The following TUSC3 variants were observed in gnomAD, a reference collection of about 807,000 sequenced individuals.
TUSC3 encodes tumor suppressor candidate 3, also known as dolichyl-diphosphooligosaccharide--protein glycosyltransferase subunit TUSC3.
Under a neutral mutation model 44.8 loss-of-function variants are expected in TUSC3, and 45 were observed. The ratio of observed to expected loss-of-function variants is 1.00; its 90% CI spans 0.79 to 1.29. The LOEUF is 1.29. Ranked by LOEUF, TUSC3 falls within the 50% of genes most tolerant of loss-of-function variation. The pLI, the probability that TUSC3 is intolerant of heterozygous loss-of-function variation, is 0.00. For synonymous variants in TUSC3, 212 were observed against 152.9 expected (o/e 1.39, Z -2.85); for missense variants, 519 against 437.9 (o/e 1.19, Z -1.65).
Position 15,658,657 on chromosome 8 carries a change from C to CACACACAA in TUSC3, c.427-847_427-846insCACAAACA, listed in dbSNP as rs1186873286. Reference sequence around the variant, plus strand: ...ATATATATACACACACACACACACACACAAATACAATATATATACACATAC... The same window carrying CACACACAA: ...ATATATATACACACACACACACACACACACACAAACAAATACAATATATATACACATAC... On this transcript the variant is annotated intron_variant, in intron 3 of 10. Transcript: ENST00000503731. Among the ~76,000 whole-genome samples the CACACACAA allele has an allele frequency of 2.7e-5, 4 of 150,606 alleles. 1 individual carries two copies. In the East Asian group the frequency reaches 7.8e-4, roughly 29 times the overall value.
At chr8:15,467,655 A>C (rs1800431339) in intron 1 of TUSC3, among the ~76,000 whole-genome samples, 2 of 152,158 alleles carry the variant, frequency 1.3e-5, no homozygotes, top group South Asian at 4.1e-4. Flanking sequence ...TCCATGTGGC[A>C]AACTCCACCA....
chr8:15,598,936 C>G (rs868867237), intron 1 of TUSC3, among the ~76,000 whole-genome samples: 4 of 151,814 alleles, frequency 2.6e-5, no homozygotes, highest in Middle Eastern at 3.4e-3. Context: ...CCTAAGTGTT[C>G]AATTCCTTTT....
chr8:15,831,003 C>A, the TUSC3 span, among the ~76,000 whole-genome samples: 8 of 152,136 alleles, frequency 5.3e-5, no homozygotes, highest in African/African-American at 1.7e-4. Context: ...GGATGGATTC[C>A]GCTGCTATCG....
intron 1 of TUSC3, among the ~76,000 whole-genome samples, chr8:15,430,428 AC>A (rs1289661166): frequency 2.0e-5 from 3 of 150,482 alleles, no homozygotes; most frequent in African/African-American, 7.4e-5. Context: ...AAGTTCAACA[AC>A]CCTTCATGTT....
chr8:15,599,036 C>T (rs750749097), intron 1 of TUSC3, among the ~76,000 whole-genome samples: 67 of 151,884 alleles, frequency 4.4e-4, no homozygotes, highest in Non-Finnish European at 7.7e-4. Flanking sequence ...TGCAAAGTGC[C>T]TGTACCATTT....
intron 1 of TUSC3, among the ~76,000 whole-genome samples, chr8:15,609,192 T>A (rs1463497767): frequency 6.6e-6 from 1 of 152,196 alleles, no homozygotes; most frequent in East Asian, 1.9e-4. Context: ...TACGGTTTTG[T>A]TTTGCCACAT....
At chr8:15,446,853 G>A (rs1035588965) in intron 1 of TUSC3, among the ~76,000 whole-genome samples, 46 of 147,882 alleles carry the variant, frequency 3.1e-4, no homozygotes, top group African/African-American at 1.1e-3. Context: ...CATGTGGAGA[G>A]AAAAAAAATG....
At chr8:15,431,398 C>A (rs934278402) in intron 1 of TUSC3, among the ~76,000 whole-genome samples, 1 of 151,654 alleles carries the variant, frequency 6.6e-6, no homozygotes, top group East Asian at 1.9e-4. Flanking sequence ...GTCTCACTTC[C>A]GTGTTTAAAT....
intron 5 of TUSC3, among the ~76,000 whole-genome samples, chr8:15,665,956 A>G (rs1347517292): frequency 6.6e-6 from 1 of 151,360 alleles, no homozygotes; most frequent in African/African-American, 2.4e-5. Flanking sequence ...TCACCCCCTA[A>G]ACACGGAGGA....
Position 15,765,469 on chromosome 8 carries a change from G to A in TUSC3, c.*1313G>A, listed in dbSNP as rs560586222. On this transcript the variant is annotated 3_prime_UTR_variant, in exon 11 of 11. Transcript: ENST00000503731. The stretch of plus-strand genomic sequence containing the variant: ...GCTATATAGCCTCAAACAAGAAACG[G>A]GTGTACAACCATTGAGTTTACTTAC... 25 of 152,020 alleles carry A rather than the reference G, an allele frequency of 1.6e-4. No individual in the cohort carries two copies. The highest frequency in any genetic ancestry group is 3.4e-3 in the Middle Eastern group (1 of 294). The allele number at this position is 152,020 out of a possible 1,614,324, so 9.4% of individuals were successfully genotyped here.
At chr8:15,512,524 G>A (rs996882853) in intron 2 of TUSC3, among the ~76,000 whole-genome samples, 1 of 152,126 alleles carries the variant, frequency 6.6e-6, no homozygotes, top group Non-Finnish European at 1.5e-5. Context: ...TGTAATCCCA[G>A]CACTTTGGGA....
chr8:15,758,001 T>A, intron 10 of TUSC3, 146 bp downstream of exon 10: 2 of 1,448,880 alleles, frequency 1.4e-6, no homozygotes, highest in Non-Finnish European at 9.1e-7. Flanking sequence ...CATATTCCAG[T>A]CTTACATTAT....
At chr8:15,773,443 T>TA in the TUSC3 span, among the ~76,000 whole-genome samples, 773 of 152,110 alleles carry the variant, frequency 5.1e-3, 4 homozygotes, top group African/African-American at 0.018. Context: ...TGAAAGAAGT[T>TA]AAAAAAAGAC....
At chr8:15,484,843 T>C (rs191011414) in intron 2 of TUSC3, among the ~76,000 whole-genome samples, 2 of 152,338 alleles carry the variant, frequency 1.3e-5, no homozygotes, top group Admixed American at 1.3e-4. Context: ...TTAAAATATA[T>C]AGAGAAATGG....
At position 15,512,666 on chromosome 8, in the gene TUSC3, G is replaced by T. The variant is rs116251560; in HGVS notation, n.189+29183G>T. On this transcript the variant is annotated intron_variant and non_coding_transcript_variant, in intron 2 of 5. Transcript: ENST00000503191. The stretch of plus-strand genomic sequence containing the variant: ...TACACACCTATAATTCCAGCTAGAT[G>T]GGAGGCTGAGGCAGGAGAGTTGCTT... Among the ~76,000 whole-genome samples, 1,216 of 151,856 alleles carry T rather than the reference G, an allele frequency of 8.0e-3. 20 individuals carry two copies. The highest frequency in any genetic ancestry group is 0.028 in the African/African-American group (1,165 of 41,366).
chr8:15,688,780 A>G (rs940312620), intron 6 of TUSC3: 2 of 152,698 alleles, frequency 1.3e-5, no homozygotes, highest in Non-Finnish European at 2.9e-5. Context: ...TGCAATCACA[A>G]ACAATGATCA....
At chr8:15,691,563 A>G (rs1808902154) in intron 6 of TUSC3, among the ~76,000 whole-genome samples, 2 of 152,134 alleles carry the variant, frequency 1.3e-5, no homozygotes, top group South Asian at 2.1e-4. Flanking sequence ...TGGAGTGGTA[A>G]GAGAAGGCAT....
At chr8:15,434,093 A>G (rs912801692) in intron 1 of TUSC3, among the ~76,000 whole-genome samples, 2 of 152,150 alleles carry the variant, frequency 1.3e-5, no homozygotes, top group Non-Finnish European at 2.9e-5. Context: ...AGAGAATTCC[A>G]TTTGCTCCAT....
At chr8:15,618,120 T>TC (rs1805075883) in intron 1 of TUSC3, among the ~76,000 whole-genome samples, 1 of 152,184 alleles carries the variant, frequency 6.6e-6, no homozygotes, top group African/African-American at 2.4e-5. Flanking sequence ...AATGGAGCTT[T>TC]CAGGCCTGGA....
Sources: gnomAD v4.1 joint callset for allele counts (sites outside exome capture counted in the v4.1 genomes callset) on GRCh38, gnomAD v4.1.1 for gene constraint, MANE v1.5 for transcripts, NCBI Gene and HGNC (gene_info 2026-07-23, HGNC 2026-07-21) for gene names.